DMD: variants seen among roughly 807,000 people sequenced by gnomAD.
DMD encodes the protein mutant dystrophin.
A neutral mutation model predicts 330.1 loss-of-function variants in DMD; 63 were observed. The observed-to-expected ratio is 0.19, with a 90% CI of 0.16 to 0.24. The LOEUF (loss-of-function observed/expected upper bound fraction) is 0.24, where lower values mean the gene tolerates loss of function less well. Among genes scored for constraint, DMD ranks in the 10% least tolerant of loss-of-function variants. The pLI is 1.00. For synonymous variants in DMD, 1,223 were observed against 959.8 expected (o/e 1.27, Z -5.07); for missense variants, 3,344 against 2,684.1 (o/e 1.25, Z -5.43).
intron 55 of DMD, among the ~76,000 whole-genome samples, chrX:31,607,740 G>T (rs1370934090): frequency 1.8e-5 from 2 of 112,101 alleles, no homozygotes; most frequent in Non-Finnish European, 3.8e-5. Context: ...AATGAAGTCT[G>T]AACATATAAA....
intron 63 of DMD, among the ~76,000 whole-genome samples, chrX:31,247,890 G>A (rs1024912362): frequency 6.3e-5 from 7 of 111,946 alleles, no homozygotes; most frequent in Middle Eastern, 4.6e-3. Context: ...TTATGGATGA[G>A]CAAAGTAAGT....
chrX:32,468,413 T>C (rs2040276918), intron 23 of DMD, 85 bp downstream of exon 23: 3 of 847,839 alleles, frequency 3.5e-6, no homozygotes, highest in Admixed American at 2.7e-5. Flanking sequence ...GGTCAAATGC[T>C]TATGTACCTT....
intron 48 of DMD, among the ~76,000 whole-genome samples, chrX:31,844,686 T>A (rs970903930): frequency 4.5e-5 from 5 of 111,791 alleles, no homozygotes; most frequent in African/African-American, 1.6e-4. Context: ...TTTGTTTGTG[T>A]TATCTATGGT....
intron 1 of DMD, among the ~76,000 whole-genome samples, chrX:33,240,536 T>G (rs928415194): frequency 8.9e-6 from 1 of 112,312 alleles, no homozygotes; most frequent in Non-Finnish European, 1.9e-5. Context: ...GGTGTGCAGA[T>G]ATCTCTTCAA....
At chrX:31,471,204 A>C (rs1297166333) in intron 59 of DMD, among the ~76,000 whole-genome samples, 2 of 111,108 alleles carry the variant, frequency 1.8e-5, no homozygotes, top group Admixed American at 1.9e-4. Context: ...GATATGAAAA[A>C]AACGCCTGCA....
intron 1 of DMD, among the ~76,000 whole-genome samples, chrX:33,155,882 G>A (rs772434055): frequency 1.1e-4 from 12 of 110,787 alleles, no homozygotes; most frequent in Non-Finnish European, 1.9e-4. Flanking sequence ...TGAGCAGATC[G>A]CGCCACCACG....
intron 43 of DMD, among the ~76,000 whole-genome samples, chrX:32,255,511 C>T (rs2097294853): frequency 9.0e-6 from 1 of 110,716 alleles, no homozygotes. Context: ...ATAATATTTA[C>T]TATCTTGTTC....
chrX:33,120,650 G>A (rs957427544), intron 1 of DMD, among the ~76,000 whole-genome samples: 8 of 110,777 alleles, frequency 7.2e-5, no homozygotes, highest in Non-Finnish European at 1.3e-4. Flanking sequence ...GGAGGCCGAG[G>A]CAGGCGGATC....
Position 32,363,013 on chromosome X carries a change from G to A in DMD, c.5155-55C>T, listed in dbSNP as rs1311254729. The A allele has an allele frequency of 4.5e-5, 49 of 1,097,913 alleles. 1 individual carries two copies. The highest frequency in any genetic ancestry group is 6.1e-5 in the Non-Finnish European group (49 of 807,832). 90.5% of individuals were successfully genotyped at this position (1,097,913 alleles called of 1,213,427 possible). On this transcript the variant is annotated intron_variant, in intron 36 of 78. Transcript: ENST00000357033. Reference sequence around the variant, plus strand: ...GAAGTTAGTAATTAATGAAGGTCAAGATAGAAAAAGAGAGCCAAACAGAGC... The same window carrying A: ...GAAGTTAGTAATTAATGAAGGTCAAAATAGAAAAAGAGAGCCAAACAGAGC...
chrX:32,758,922 A>T (rs772146495), intron 7 of DMD, among the ~76,000 whole-genome samples: 1 of 111,825 alleles, frequency 8.9e-6, no homozygotes, highest in African/African-American at 3.2e-5. Context: ...AAAAAAGATA[A>T]AATGCCCTCT....
At chrX:32,415,641 A>G (rs1311953669) in intron 29 of DMD, among the ~76,000 whole-genome samples, 1 of 112,393 alleles carries the variant, frequency 8.9e-6, no homozygotes, top group East Asian at 2.8e-4. Flanking sequence ...CTGTTGTTTT[A>G]AAATGTTATT....
rs747218608 is a variant in DMD, at chrX:32,380,544, G to C, written c.4811C>G (p.Pro1604Arg). Residue 1604 changes from proline to arginine, a missense_variant, in exon 34 of 79, where the codon CCT becomes CGT. Physicochemically the swap from Pro to Arg is moderately radical, Grantham distance 103 (BLOSUM62 -2). Coordinates refer to ENST00000357033, the MANE Select transcript of DMD (RefSeq NM_004006.3). ...LTKRSAVEGM[P>R]SNLDSEVAWG... ...GGCAACTTCAGAATCCAAATTACTA[G>C]GCATTCCTTCAACTGCTGATCTCTT... 5.0e-6 allele frequency: 6 copies of C among 1,208,740 alleles called. No individual in the cohort carries two copies. Among genetic ancestry groups the C allele is most frequent in the Non-Finnish European group, 6.7e-6 (6 of 894,561 alleles).
chrX:32,243,031 G>T (rs983247278), intron 43 of DMD, among the ~76,000 whole-genome samples: 5 of 107,427 alleles, frequency 4.7e-5, no homozygotes, highest in African/African-American at 1.7e-4. Flanking sequence ...CAGAAGTAAA[G>T]AAAAGAAAGA....
intron 43 of DMD, among the ~76,000 whole-genome samples, chrX:32,230,050 C>G (rs1004975939): frequency 9.1e-6 from 1 of 110,209 alleles, no homozygotes; most frequent in African/African-American, 3.3e-5. Context: ...CTAAACCACA[C>G]TAAATGCTCC....
In DMD at chrX:32,554,935, AAGAAAGAGAG is replaced by A. The variant is rs1569190881; in HGVS notation, c.1993-9611_1993-9602del. Among the ~76,000 whole-genome samples, 3 of 28,322 alleles carry A rather than the reference AAGAAAGAGAG, an allele frequency of 1.1e-4. No individual in the cohort carries two copies. The African/African-American group carries it at 1.1e-3, about 10-fold the overall frequency. 24.6% of individuals were successfully genotyped at this position (28,322 alleles called of 115,157 possible). On this transcript the variant is annotated intron_variant, in intron 16 of 78. Coordinates refer to ENST00000357033, the MANE Select transcript of DMD (RefSeq NM_004006.3). ...AAAGAAAGAAAGAAAGAAAGAAAGAAAGAAAGAGAGAGAGAGGGAGAGAGAAAGAAAGAGA... is the reference window on the plus strand; with the variant it reads ...AAAGAAAGAAAGAAAGAAAGAAAGAAAGAGAGGGAGAGAGAAAGAAAGAGA...
At chrX:32,682,682 T>C (rs1569450968) in intron 9 of DMD, among the ~76,000 whole-genome samples, 1 of 112,148 alleles carries the variant, frequency 8.9e-6, no homozygotes, top group Non-Finnish European at 1.9e-5. Context: ...ACAACATAAA[T>C]TTAGCAGTGT....
At chrX:31,260,364 A>C (rs2050390896) in intron 63 of DMD, among the ~76,000 whole-genome samples, 1 of 112,468 alleles carries the variant, frequency 8.9e-6, no homozygotes, top group African/African-American at 3.2e-5. Context: ...GTGTTTTCAA[A>C]CCCTTATTTG....
At chrX:32,587,352 C>G (rs747098204) in intron 13 of DMD, among the ~76,000 whole-genome samples, 5 of 111,924 alleles carry the variant, frequency 4.5e-5, no homozygotes, top group Non-Finnish European at 9.4e-5. Context: ...CAGCAATGTC[C>G]AAAGAGATGT....
At chrX:33,299,881 G>A (rs1469520984) in intron 1 of DMD, among the ~76,000 whole-genome samples, 1 of 111,649 alleles carries the variant, frequency 9.0e-6, no homozygotes, top group Non-Finnish European at 1.9e-5. Flanking sequence ...TCCTTTAACT[G>A]TGGTAGCAGT....
Sources: allele counts gnomAD v4.1 joint callset (sites outside exome capture counted in the v4.1 genomes callset), GRCh38; gene constraint gnomAD v4.1.1; transcripts MANE v1.5; gene names NCBI Gene and HGNC (gene_info 2026-07-23, HGNC 2026-07-21).